The following LEF1 variants were observed in gnomAD, a reference collection of about 807,000 sequenced individuals.
LEF1 encodes lymphoid enhancer-binding factor 1.
Under a neutral mutation model 51.2 loss-of-function variants are expected in LEF1, and 14 were observed. That is an observed-to-expected ratio of 0.27 (90% confidence interval 0.18 to 0.43). LEF1 has a LOEUF of 0.43. Among genes scored for constraint, LEF1 ranks in the 20% least tolerant of loss-of-function variants. LEF1 has a pLI of 1.00. For synonymous variants in LEF1, 185 were observed against 183.2 expected (o/e 1.01, Z -0.08); for missense variants, 386 against 512.0 (o/e 0.75, Z 2.37).
chr4:108,133,564 C>A (rs1051848111), intron 3 of LEF1, among the ~76,000 whole-genome samples: 7 of 152,090 alleles, frequency 4.6e-5, no homozygotes, highest in African/African-American at 4.8e-5. Flanking sequence ...AAAAAAATTT[C>A]TTTAAGGAAA....
chr4:108,149,008 A>G (rs972004786), intron 3 of LEF1, among the ~76,000 whole-genome samples: 1 of 152,226 alleles, frequency 6.6e-6, no homozygotes, highest in Non-Finnish European at 1.5e-5. Flanking sequence ...ACTTGCAAGC[A>G]GATCTTAATT....
At chr4:108,143,291 A>G (rs1037118818) in intron 3 of LEF1, among the ~76,000 whole-genome samples, 2 of 152,216 alleles carry the variant, frequency 1.3e-5, no homozygotes, top group Non-Finnish European at 1.5e-5. Flanking sequence ...GGTACAAACT[A>G]CATGAATTCA....
intron 8 of LEF1, 161 bp from the exon 9 acceptor site, chr4:108,070,931 G>C: frequency 1.7e-6 from 1 of 582,702 alleles, no homozygotes. Flanking sequence ...AATCTCCTTG[G>C]AGTCTAGTGG....
At chr4:108,161,619 AAC>A (rs1385133860) in intron 3 of LEF1, among the ~76,000 whole-genome samples, 2 of 152,252 alleles carry the variant, frequency 1.3e-5, no homozygotes, top group Admixed American at 6.5e-5. Context: ...AGACTGTGGA[AAC>A]ACAAGGCAGA....
intron 3 of LEF1, among the ~76,000 whole-genome samples, chr4:108,144,782 C>T (rs989113267): frequency 6.6e-6 from 1 of 150,536 alleles, no homozygotes; most frequent in African/African-American, 2.4e-5. Context: ...ACAGCCTCAG[C>T]CCACAGCTCA....
intron 3 of LEF1, among the ~76,000 whole-genome samples, chr4:108,107,135 C>T (rs1741218981): frequency 6.6e-6 from 1 of 152,214 alleles, no homozygotes; most frequent in Non-Finnish European, 1.5e-5. Flanking sequence ...ACTCTCTCTG[C>T]CCCTCATTAT....
chr4:108,095,439 G>T (rs185155771), intron 3 of LEF1, among the ~76,000 whole-genome samples: 163 of 152,148 alleles, frequency 1.1e-3, no homozygotes, highest in African/African-American at 3.9e-3. Context: ...GATCTGTGCC[G>T]GCATTTGTTT....
rs1471405666 is a variant in LEF1, at chr4:108,166,239, G to A, written c.214-1076C>T. ...AAGAACACCATTCTGTTCTCTGAACGCAGGCCCCCAGCCTTTCAAAATTCG... is the reference window on the plus strand; with the variant it reads ...AAGAACACCATTCTGTTCTCTGAACACAGGCCCCCAGCCTTTCAAAATTCG... On this transcript the variant is annotated intron_variant, in intron 1 of 11. Transcript: ENST00000265165. 13 of 1,533,554 alleles carry A rather than the reference G, an allele frequency of 8.5e-6. No individual in the cohort carries two copies. In the South Asian group the frequency reaches 1.4e-4, roughly 17 times the overall value. 95.0% of individuals were successfully genotyped at this position (1,533,554 alleles called of 1,614,324 possible).
Position 108,083,399 on chromosome 4 carries a change from A to T in LEF1, c.595T>A (p.Leu199Met). Residue 199 changes from leucine to methionine, a missense_variant, in exon 5 of 12, where the codon TTG (leucine) becomes ATG (methionine). By Grantham distance (15) the Leu-to-Met change is conservative. Transcript: ENST00000265165. ...ATCTGTCCAACACCACCCGGAGACA[A>T]GGGATAAAAAGTAGGGATATCAGGA... ...PAPDIPTFYP[L>M]SPGGVGQITP... is the part of the protein sequence containing the mutation. The T allele has an allele frequency of 6.2e-7, 1 of 1,613,934 alleles. No homozygotes were observed. Among genetic ancestry groups the T allele is most frequent in the South Asian group, 1.1e-5 (1 of 91,058 alleles).
At chr4:108,114,483 G>A (rs113111240) in intron 3 of LEF1, among the ~76,000 whole-genome samples, 3,989 of 152,238 alleles carry the variant, frequency 0.026, 159 homozygotes, top group African/African-American at 0.091. Flanking sequence ...AGCATCTTAT[G>A]TTAACAAGAA....
intron 9 of LEF1, 39 bp from the exon 10 acceptor site, chr4:108,064,423 AC>A (rs1560761475): frequency 6.8e-6 from 10 of 1,461,664 alleles, no homozygotes; most frequent in Non-Finnish European, 9.6e-6. Flanking sequence ...CACAGATTGT[AC>A]CATGAACACA....
chr4:108,130,673 T>C (rs1424191227), intron 3 of LEF1, among the ~76,000 whole-genome samples: 1 of 149,848 alleles, frequency 6.7e-6, no homozygotes, highest in Non-Finnish European at 1.5e-5. Context: ...GAGGTTGCAG[T>C]GAGCGAAGAT....
At position 108,120,709 on chromosome 4, in the gene LEF1, A is replaced by C. The variant is rs142795890; in HGVS notation, c.415-31452T>G. Among the ~76,000 whole-genome samples, 283 of 152,332 alleles carry C rather than the reference A, an allele frequency of 1.9e-3. 4 individuals carry two copies. Among genetic ancestry groups the C allele is most frequent in the East Asian group, 9.5e-3 (49 of 5,180 alleles). On this transcript the variant is annotated intron_variant, in intron 3 of 11. Coordinates refer to ENST00000265165, the MANE Select transcript of LEF1 (RefSeq NM_016269.5). ...CTGAAAAATGTTGGGTTACTGAGTC[A>C]TGTAGATTTTCCCAATGTTTACCTG...
chr4:108,124,735 C>T (rs532175545), intron 3 of LEF1, among the ~76,000 whole-genome samples: 1 of 152,272 alleles, frequency 6.6e-6, no homozygotes, highest in East Asian at 1.9e-4. Flanking sequence ...TAATTTTGGT[C>T]AGTTTGGGCC....
chr4:108,139,412 C>T (rs1349130542), intron 3 of LEF1, among the ~76,000 whole-genome samples: 1 of 152,216 alleles, frequency 6.6e-6, no homozygotes, highest in Non-Finnish European at 1.5e-5. Context: ...ATGGCATCTA[C>T]ATCTACAATG....
chr4:108,066,535 C>A (rs538381330), intron 9 of LEF1, among the ~76,000 whole-genome samples: 1 of 152,180 alleles, frequency 6.6e-6, no homozygotes, highest in African/African-American at 2.4e-5. Context: ...CACGCTCCCC[C>A]ACTCACACAT....
At chr4:108,166,381 A>G in intron 1 of LEF1, 1 of 1,472,490 alleles carries the variant, frequency 6.8e-7, no homozygotes, top group Non-Finnish European at 8.9e-7. Context: ...GGGGGTAGAA[A>G]GATGCCATTT....
intron 3 of LEF1, among the ~76,000 whole-genome samples, chr4:108,134,674 A>G (rs1743140845): frequency 6.6e-6 from 1 of 152,252 alleles, no homozygotes; most frequent in Non-Finnish European, 1.5e-5. Flanking sequence ...GGCACATCTG[A>G]TGGTTTGCAT....
At chr4:108,134,992 C>T (rs1297681318) in intron 3 of LEF1, among the ~76,000 whole-genome samples, 1 of 152,210 alleles carries the variant, frequency 6.6e-6, no homozygotes, top group East Asian at 1.9e-4. Flanking sequence ...AAAAACACTA[C>T]ATCACTAGGT....
Sources: allele counts gnomAD v4.1 joint callset (sites outside exome capture counted in the v4.1 genomes callset), GRCh38; gene constraint gnomAD v4.1.1; transcripts MANE v1.5; gene names NCBI Gene and HGNC (gene_info 2026-07-23, HGNC 2026-07-21).